The following STAU2 variants were observed in gnomAD, a reference collection of about 807,000 sequenced individuals.
STAU2 encodes staufen double-stranded RNA binding protein 2.
In STAU2, 20 loss-of-function variants were observed where a neutral mutation model predicts 65.9. The observed-to-expected ratio is 0.30, with a 90% CI of 0.21 to 0.44. The LOEUF (loss-of-function observed/expected upper bound fraction) is 0.44. STAU2 is among the 20% of genes least tolerant of loss of function. The probability of loss-of-function intolerance (pLI) is 1.00; values close to 1 mark genes in which losing one functional copy is unlikely to be tolerated. For missense variants in STAU2, 558 were observed against 683.9 expected (o/e 0.82, Z 2.05); for synonymous variants, 232 against 233.9 (o/e 0.99, Z 0.07).
intron 12 of STAU2, among the ~76,000 whole-genome samples, chr8:73,578,115 A>C (rs1809713831): frequency 6.6e-6 from 1 of 152,192 alleles, no homozygotes; most frequent in Non-Finnish European, 1.5e-5. Context: ...CATCCTAAAA[A>C]TGCTCATATT....
intron 13 of STAU2, among the ~76,000 whole-genome samples, chr8:73,522,015 G>C (rs1823069845): frequency 6.6e-6 from 1 of 152,150 alleles, no homozygotes; most frequent in South Asian, 2.1e-4. Flanking sequence ...AAGCAAGTAA[G>C]CTCAAGATCT....
At chr8:73,686,881 T>A (rs1218935606) in intron 5 of STAU2, among the ~76,000 whole-genome samples, 1 of 145,348 alleles carries the variant, frequency 6.9e-6, no homozygotes, top group Non-Finnish European at 1.5e-5. Context: ...GAATTTGTGA[T>A]GGGGTTTCTT....
At chr8:73,509,405 A>G (rs998752312) in intron 13 of STAU2, among the ~76,000 whole-genome samples, 4 of 152,198 alleles carry the variant, frequency 2.6e-5, no homozygotes, top group Non-Finnish European at 5.9e-5. Context: ...TTAATCAAAT[A>G]TATAATTTGT....
At chr8:73,554,902 T>C (rs1348384126) in intron 12 of STAU2, among the ~76,000 whole-genome samples, 2 of 152,346 alleles carry the variant, frequency 1.3e-5, no homozygotes, top group East Asian at 3.9e-4. Context: ...GTTACACAGA[T>C]ATATCCAATA....
chr8:73,516,247 G>A (rs1425264626), intron 13 of STAU2, among the ~76,000 whole-genome samples: 7 of 151,980 alleles, frequency 4.6e-5, no homozygotes, highest in African/African-American at 1.7e-4. Flanking sequence ...ACCTAGAGCA[G>A]TGACTCTTCT....
intron 13 of STAU2, among the ~76,000 whole-genome samples, chr8:73,508,716 T>A (rs1216556424): frequency 1.3e-5 from 2 of 152,198 alleles, no homozygotes; most frequent in Non-Finnish European, 2.9e-5. Flanking sequence ...ATTTACCTTT[T>A]CTGGAAATTT....
At chr8:73,558,604 AG>A (rs1194891873) in intron 12 of STAU2, among the ~76,000 whole-genome samples, 2 of 152,318 alleles carry the variant, frequency 1.3e-5, no homozygotes, top group African/African-American at 4.8e-5. Flanking sequence ...TGATTCTTTC[AG>A]AGATGCTGAA....
At chr8:73,707,428 A>G (rs1820588328) in intron 4 of STAU2, among the ~76,000 whole-genome samples, 1 of 152,226 alleles carries the variant, frequency 6.6e-6, no homozygotes, top group South Asian at 2.1e-4. Flanking sequence ...AGGACAGTAG[A>G]GAACAAGATC....
At position 73,599,185 on chromosome 8, in the gene STAU2, T is replaced by G. The variant is rs552167918; in HGVS notation, c.1030-3888A>C. On this transcript the variant is annotated intron_variant, in intron 10 of 14. Coordinates refer to ENST00000524300, the MANE Select transcript of STAU2 (RefSeq NM_001164380.2). ...TGTGAAGTGCTAAGAACAGCCAAAA[T>G]CCTTTTGAGGAAGAGCAAGGTGTGG... is the stretch of plus-strand genomic sequence containing the variant. Among the ~76,000 whole-genome samples the G allele has an allele frequency of 3.3e-5, 5 of 152,318 alleles. No homozygotes were observed. In the East Asian group the frequency reaches 9.6e-4, roughly 29 times the overall value.
At chr8:73,692,325 G>A (rs1819385630) in intron 4 of STAU2, among the ~76,000 whole-genome samples, 1 of 151,930 alleles carries the variant, frequency 6.6e-6, no homozygotes, top group South Asian at 2.1e-4. Flanking sequence ...AGCCCCCCAA[G>A]TAGCTGGCAT....
chr8:73,533,144 T>A (rs190770486), intron 13 of STAU2, among the ~76,000 whole-genome samples: 1 of 152,342 alleles, frequency 6.6e-6, no homozygotes, highest in East Asian at 1.9e-4. Context: ...AGATTTATTA[T>A]TTATAAATTA....
intron 13 of STAU2, among the ~76,000 whole-genome samples, chr8:73,487,464 T>C: frequency 6.6e-6 from 1 of 152,128 alleles, no homozygotes; most frequent in East Asian, 1.9e-4. Flanking sequence ...GCAATGATTA[T>C]GAATGAAGAA....
chr8:73,421,417 C>T lies in STAU2; in HGVS notation c.1668G>A (p.Pro556=), dbSNP rs1009483490. 1.7e-5 allele frequency: 26 copies of T among 1,537,120 alleles called. No homozygotes were observed. Among genetic ancestry groups the T allele is most frequent in the Middle Eastern group, 1.7e-4 (1 of 6,012 alleles). ...REKADNNQAP[P]GSIAQDCKKS... ...TCTTGCAGTCCTGAGCGATGGAGCC[C>T]GGGGGTGCCTGGTTATTGTCCGCTT... The change falls in exon 15 of 15, where the codon CCG becomes CCA. Residue 556 remains proline (P), a synonymous_variant. Transcript: ENST00000524300.
chr8:73,582,895 G>T, intron 11 of STAU2, 65 bp from the exon 12 acceptor site: 1 of 1,384,094 alleles, frequency 7.2e-7, no homozygotes. Context: ...AAAAAAAAAA[G>T]GTGACCAATT....
At chr8:73,720,267 T>A (rs554875436) in intron 3 of STAU2, among the ~76,000 whole-genome samples, 15 of 79,522 alleles carry the variant, frequency 1.9e-4, no homozygotes, top group Non-Finnish European at 3.3e-4. Flanking sequence ...TGAGACCCTG[T>A]CTCAAAAAAA....
Position 73,552,124 on chromosome 8 carries a change from G to A in STAU2, c.1418C>T (p.Thr473Ile). The change falls in exon 13 of 15, where the codon ACA (threonine) becomes ATA (isoleucine). Residue 473 changes from threonine to isoleucine, a missense_variant. Thr to Ile is a moderately conservative substitution (Grantham distance 89). Coordinates refer to ENST00000524300, the MANE Select transcript of STAU2 (RefSeq NM_001164380.2). Reference sequence around the variant, plus strand: ...ACCTATGGCTTCAGCTGTAGAAGATGTTCCATTCATAAGGAGTTCCCTGGC... The same window carrying A: ...ACCTATGGCTTCAGCTGTAGAAGATATTCCATTCATAAGGAGTTCCCTGGC... ...TIARELLMNG[T>I]SSTAEAIGLK... The A allele has an allele frequency of 1.9e-6, 3 of 1,613,892 alleles. No individual in the cohort carries two copies. The highest frequency in any genetic ancestry group is 2.5e-6 in the Non-Finnish European group (3 of 1,179,830).
rs1022704883 is a variant in STAU2, at chr8:73,646,214, G to A, written c.410+26893C>T. On this transcript the variant is annotated intron_variant, in intron 6 of 14. Transcript: ENST00000524300. Reference sequence around the variant, plus strand: ...TACCAGCAATAAATGCATGGAAGGTGAAAGTAAAAATACAAGAAAAGATTT... The same window carrying A: ...TACCAGCAATAAATGCATGGAAGGTAAAAGTAAAAATACAAGAAAAGATTT... 5.3e-5 allele frequency among the ~76,000 whole-genome samples: 8 copies of A among 152,128 alleles called. No homozygotes were observed. In the East Asian group the frequency reaches 5.8e-4, roughly 11 times the overall value.
chr8:73,442,807 A>G (rs980428599), intron 13 of STAU2, among the ~76,000 whole-genome samples: 1 of 152,222 alleles, frequency 6.6e-6, no homozygotes, highest in Admixed American at 6.5e-5. Flanking sequence ...GGCATTTCCT[A>G]ATATGTATTA....
rs559988629 is a variant in STAU2 at position 73,577,199 on chromosome 8, T to C, written c.1222+5571A>G. ...ATCCCAGCACTTTGGGAGGCCAAGG[T>C]GGGCAGATCACAAGGTCAGGAGATC... is the stretch of plus-strand genomic sequence containing the variant. On this transcript the variant is annotated intron_variant, in intron 12 of 14. Transcript: ENST00000524300. 8.4e-4 allele frequency among the ~76,000 whole-genome samples: 128 copies of C among 152,128 alleles called. No individual in the cohort carries two copies. The East Asian group carries it at 0.019, about 22-fold the overall frequency.
Sources: allele counts gnomAD v4.1 joint callset (sites outside exome capture counted in the v4.1 genomes callset), GRCh38; gene constraint gnomAD v4.1.1; transcripts MANE v1.5; gene names NCBI Gene and HGNC (gene_info 2026-07-23, HGNC 2026-07-21).